The following FSTL5 variants were observed in gnomAD, a reference collection of about 807,000 sequenced individuals.
The protein encoded by FSTL5 is follistatin like 5.
Under a neutral mutation model 89.1 loss-of-function variants are expected in FSTL5, and 62 were observed. The ratio of observed to expected loss-of-function variants is 0.70; its 90% CI spans 0.57 to 0.86. FSTL5 has a LOEUF of 0.86. FSTL5 is among the 40% of genes least tolerant of loss of function. The pLI, the probability that FSTL5 is intolerant of heterozygous loss-of-function variation, is 0.00. For synonymous variants in FSTL5, 383 were observed against 346.2 expected (o/e 1.11, Z -1.18); for missense variants, 1,057 against 1,001.6 (o/e 1.06, Z -0.75).
At chr4:162,065,073 C>T (rs1432986332) in intron 2 of FSTL5, among the ~76,000 whole-genome samples, 2 of 151,714 alleles carry the variant, frequency 1.3e-5, no homozygotes, top group South Asian at 2.1e-4. Context: ...GAAATTAGGC[C>T]CATGTCTTAC....
chr4:162,047,552 A>C (rs1205639026), intron 2 of FSTL5: 1 of 152,030 alleles, frequency 6.6e-6, no homozygotes. Flanking sequence ...GAGTTCCGCG[A>C]GGTGCGGTGG....
chr4:162,149,873 C>T (rs1392167358), intron 1 of FSTL5, among the ~76,000 whole-genome samples: 1 of 152,014 alleles, frequency 6.6e-6, no homozygotes, highest in African/African-American at 2.4e-5. Flanking sequence ...TAAGAAAAAA[C>T]ATGTGGAGTA....
At chr4:162,045,916 T>G (rs1578982564) in intron 2 of FSTL5, among the ~76,000 whole-genome samples, 3 of 151,512 alleles carry the variant, frequency 2.0e-5, no homozygotes, top group Non-Finnish European at 4.4e-5. Flanking sequence ...TATTTAATTT[T>G]ACAATATTTT....
At chr4:161,581,956 G>T (rs1733451927) in intron 8 of FSTL5, among the ~76,000 whole-genome samples, 1 of 152,154 alleles carries the variant, frequency 6.6e-6, no homozygotes, top group Non-Finnish European at 1.5e-5. Context: ...TGTAAAAAGA[G>T]AAAGAAAAGC....
Position 161,386,436 on chromosome 4 carries a change from G to T in FSTL5, c.1855C>A (p.Leu619Ile). 1.9e-6 allele frequency: 3 copies of T among 1,604,636 alleles called. No individual in the cohort carries two copies. Among genetic ancestry groups the T allele is most frequent in the South Asian group, 2.2e-5 (2 of 90,042 alleles). ...IITHMRFGFI[L>I]HKDEAALQKI... ...TGTAGTGCAGCTTCATCTTTATGAAGAATAAATCCAAACCTGAAAAAAATG... is the reference window on the plus strand; with the variant it reads ...TGTAGTGCAGCTTCATCTTTATGAATAATAAATCCAAACCTGAAAAAAATG... Residue 619 changes from leucine to isoleucine, a missense_variant, in exon 16 of 16, where the codon CTT (leucine) becomes ATT (isoleucine). Physicochemically the swap from Leu to Ile is conservative, Grantham distance 5. This residue lies in a region of FSTL5 where 980 missense variants were observed against 903.2 expected (regional missense o/e 1.08). Coordinates refer to ENST00000306100, the MANE Select transcript of FSTL5 (RefSeq NM_020116.5).
intron 4 of FSTL5, among the ~76,000 whole-genome samples, chr4:161,785,640 TA>T (rs1252396149): frequency 2.6e-5 from 4 of 152,144 alleles, no homozygotes; most frequent in African/African-American, 9.6e-5. Flanking sequence ...CAAGCAGCCA[TA>T]AGGCATAATA....
intron 10 of FSTL5, among the ~76,000 whole-genome samples, chr4:161,514,435 A>T (rs1244192628): frequency 6.6e-6 from 1 of 152,194 alleles, no homozygotes; most frequent in Non-Finnish European, 1.5e-5. Context: ...TCACATGGAC[A>T]TAAAAAAGAA....
At chr4:161,943,459 T>G (rs561761402) in intron 3 of FSTL5, among the ~76,000 whole-genome samples, 1 of 150,922 alleles carries the variant, frequency 6.6e-6, no homozygotes, top group South Asian at 2.1e-4. Context: ...GACTGGTATT[T>G]AATTCTGATA....
At position 161,826,941 on chromosome 4, in the gene FSTL5, A is replaced by AT. The variant is rs202031213; in HGVS notation, c.410-50868dup. Among the ~76,000 whole-genome samples, 704 of 152,180 alleles carry AT rather than the reference A, an allele frequency of 4.6e-3. 6 individuals carry two copies. Among genetic ancestry groups the AT allele is most frequent in the African/African-American group, 0.016 (656 of 41,516 alleles). ...TTCATCATTCTGTTTCCTGAATAAC[A>AT]TTTTTTTAAATTTATTTACTGTGTT... On this transcript the variant is annotated intron_variant, in intron 4 of 15. Coordinates refer to ENST00000306100, the MANE Select transcript of FSTL5 (RefSeq NM_020116.5).
chr4:161,873,261 G>A (rs2126902278), intron 4 of FSTL5, among the ~76,000 whole-genome samples: 1 of 151,994 alleles, frequency 6.6e-6, no homozygotes, highest in East Asian at 1.9e-4. Context: ...TAGAATAGTT[G>A]CTTGGTGCAT....
chr4:161,748,606 GTTTTTT>G (rs5863480), intron 6 of FSTL5, among the ~76,000 whole-genome samples: 3 of 103,518 alleles, frequency 2.9e-5, no homozygotes, highest in African/African-American at 1.0e-4. Context: ...GGGGAAGCAC[GTTTTTT>G]TTTTTTTTTT....
chr4:161,485,195 T>C (rs922448575), intron 12 of FSTL5, among the ~76,000 whole-genome samples: 1 of 152,212 alleles, frequency 6.6e-6, no homozygotes, highest in Non-Finnish European at 1.5e-5. Flanking sequence ...GTGTTGCTGA[T>C]CCCATGTTAG....
At chr4:161,582,200 T>G (rs1211980110) in intron 8 of FSTL5, among the ~76,000 whole-genome samples, 1 of 152,242 alleles carries the variant, frequency 6.6e-6, no homozygotes, top group African/African-American at 2.4e-5. Context: ...TCCGGGCTTG[T>G]TATGGTAATC....
At position 161,736,757 on chromosome 4, in the gene FSTL5, G is replaced by C. The variant is rs144579541; in HGVS notation, c.727+22654C>G. Among the ~76,000 whole-genome samples the C allele has an allele frequency of 9.4e-4, 143 of 152,226 alleles. 3 individuals are homozygous for C. The East Asian group carries it at 0.025, about 26-fold the overall frequency. ...TGCAGATTAGAGGCAGTTAAAAACA[G>C]ATTCCTCTGTATGGGGTTAAATTGT... On this transcript the variant is annotated intron_variant, in intron 6 of 15. Transcript: ENST00000306100.
At chr4:161,699,374 T>C (rs1247548361) in intron 6 of FSTL5, among the ~76,000 whole-genome samples, 1 of 152,208 alleles carries the variant, frequency 6.6e-6, no homozygotes, top group Non-Finnish European at 1.5e-5. Context: ...TGAACATGTG[T>C]TATCTTTCAC....
At chr4:161,783,557 TTTC>T (rs1007406976) in intron 4 of FSTL5, among the ~76,000 whole-genome samples, 1 of 151,486 alleles carries the variant, frequency 6.6e-6, no homozygotes, top group Non-Finnish European at 1.5e-5. Context: ...GTCTGCTTTC[TTTC>T]TTTTCTTTTC....
chr4:162,144,019 G>A (rs1406042133), intron 1 of FSTL5, among the ~76,000 whole-genome samples: 1 of 152,130 alleles, frequency 6.6e-6, no homozygotes, highest in Non-Finnish European at 1.5e-5. Context: ...GATGGCCCAA[G>A]TAAAGAGCTT....
intron 2 of FSTL5, among the ~76,000 whole-genome samples, chr4:162,063,951 G>A (rs975763996): frequency 1.5e-4 from 22 of 151,718 alleles, no homozygotes; most frequent in African/African-American, 5.3e-4. Context: ...TCTTTTATCT[G>A]GTATAGATGA....
intron 6 of FSTL5, among the ~76,000 whole-genome samples, chr4:161,720,386 A>G (rs946590803): frequency 2.0e-5 from 3 of 152,066 alleles, no homozygotes; most frequent in African/African-American, 7.2e-5. Context: ...GGATATGGAG[A>G]ACAGGAAACA....
Sources: allele counts gnomAD v4.1 joint callset (sites outside exome capture counted in the v4.1 genomes callset), GRCh38; gene constraint gnomAD v4.1.1; regional missense constraint gnomAD v4.1.1; transcripts MANE v1.5; gene names NCBI Gene and HGNC (gene_info 2026-07-23, HGNC 2026-07-21).